Variants in KCNMA1 observed in about 807,000 individuals in gnomAD.
KCNMA1 encodes the protein potassium calcium-activated channel subfamily M alpha 1, also known as Calcium-activated potassium channel subunit alpha-1.
KCNMA1 carries 29 observed loss-of-function variants against 140.0 expected under a neutral mutation model. That is an observed-to-expected ratio of 0.21 (90% confidence interval 0.15 to 0.28). The LOEUF is 0.28. Among genes scored for constraint, KCNMA1 ranks in the 10% least tolerant of loss-of-function variants. KCNMA1 has a pLI of 1.00. For missense variants in KCNMA1, 880 were observed against 1,602.2 expected (o/e 0.55, Z 7.70); for synonymous variants, 612 against 611.9 (o/e 1.00, Z 0.00).
intron 1 of KCNMA1, among the ~76,000 whole-genome samples, chr10:77,467,838 T>A (rs534616482): frequency 6.6e-6 from 1 of 152,330 alleles, no homozygotes; most frequent in African/African-American, 2.4e-5. Flanking sequence ...TTCCTGGAGA[T>A]GTATTCATGG....
intron 15 of KCNMA1, chr10:77,039,267 T>C (rs942016102): frequency 1.5e-4 from 82 of 556,900 alleles, no homozygotes; most frequent in Middle Eastern, 4.9e-4. Context: ...AGGATAACTG[T>C]AGTTCATAAG....
At chr10:77,303,147 G>T (rs2076927297) in intron 2 of KCNMA1, among the ~76,000 whole-genome samples, 1 of 152,088 alleles carries the variant, frequency 6.6e-6, no homozygotes, top group Non-Finnish European at 1.5e-5. Flanking sequence ...CATTTACGAT[G>T]GCATTTAGAA....
intron 1 of KCNMA1, among the ~76,000 whole-genome samples, chr10:77,633,400 C>T (rs2093420638): frequency 6.6e-6 from 1 of 152,128 alleles, no homozygotes; most frequent in Non-Finnish European, 1.5e-5. Context: ...TCAGCTGGAG[C>T]TCCCCCGTGA....
intron 23 of KCNMA1, among the ~76,000 whole-genome samples, chr10:76,940,349 G>A (rs1342087950): frequency 1.3e-5 from 2 of 152,174 alleles, no homozygotes; most frequent in Non-Finnish European, 2.9e-5. Context: ...GAAAAAAGAG[G>A]CTTTGTTAGT....
chr10:77,084,833 A>AG (rs2096657392), intron 11 of KCNMA1, 114 bp from the exon 12 acceptor site: 1 of 761,016 alleles, frequency 1.3e-6, no homozygotes, highest in African/African-American at 1.7e-5. Flanking sequence ...AAAAAAAAAA[A>AG]CAATCCTGAG....
intron 1 of KCNMA1, among the ~76,000 whole-genome samples, chr10:77,629,225 C>A (rs954547461): frequency 3.9e-5 from 6 of 152,102 alleles, no homozygotes; most frequent in Non-Finnish European, 8.8e-5. Context: ...CCAAATAATG[C>A]CAAAAACAAA....
At chr10:77,480,107 C>A (rs978562975) in intron 1 of KCNMA1, among the ~76,000 whole-genome samples, 15 of 152,256 alleles carry the variant, frequency 9.9e-5, no homozygotes, top group Non-Finnish European at 5.9e-5. Context: ...GGACTCTTGA[C>A]CCCACCAAAT....
At chr10:77,208,496 A>G (rs759126892) in intron 3 of KCNMA1, among the ~76,000 whole-genome samples, 47 of 152,274 alleles carry the variant, frequency 3.1e-4, no homozygotes, top group Admixed American at 6.5e-4. Context: ...AAAATAAATA[A>G]TAAGTAAATA....
At chr10:77,502,487 T>C (rs1307453498) in intron 1 of KCNMA1, among the ~76,000 whole-genome samples, 1 of 151,942 alleles carries the variant, frequency 6.6e-6, no homozygotes, top group African/African-American at 2.4e-5. Flanking sequence ...CATCTTACCA[T>C]CCCCTTTTCC....
intron 14 of KCNMA1, chr10:77,064,140 A>G: frequency 2.0e-6 from 2 of 984,332 alleles, no homozygotes; most frequent in Non-Finnish European, 1.2e-6. Flanking sequence ...ATATGTGATT[A>G]CAGCTATAAA....
intron 2 of KCNMA1, among the ~76,000 whole-genome samples, chr10:77,299,275 C>T (rs764459502): frequency 2.0e-5 from 3 of 152,184 alleles, no homozygotes; most frequent in South Asian, 4.1e-4. Context: ...GCCAGTTAAA[C>T]GTTGCATGTA....
chr10:77,484,805 G>C (rs2098442605), intron 1 of KCNMA1, among the ~76,000 whole-genome samples: 1 of 152,232 alleles, frequency 6.6e-6, no homozygotes, highest in South Asian at 2.1e-4. Context: ...GGCTCTTACT[G>C]CTGATATGAA....
rs1177257916 is a variant in KCNMA1 at position 76,920,020 on chromosome 10, G to GTGTATA, written c.2903-4972_2903-4971insTATACA. 4.9e-3 allele frequency among the ~76,000 whole-genome samples: 170 copies of GTGTATA among 34,384 alleles called. 2 individuals carry two copies. The highest frequency in any genetic ancestry group is 0.01 in the East Asian group (8 of 770). 22.6% of individuals were successfully genotyped at this position (34,384 alleles called of 152,430 possible). ...TGTGTGTGTGTGTGTGTGTGTGTGT[G>GTGTATA]TATATATATATATATATATATATAT... On this transcript the variant is annotated intron_variant, in intron 23 of 27. Transcript: ENST00000286628.
chr10:77,538,892 A>G (rs954882187), intron 1 of KCNMA1, among the ~76,000 whole-genome samples: 10 of 152,196 alleles, frequency 6.6e-5, no homozygotes, highest in Admixed American at 6.5e-4. Context: ...TGGTTAGCAC[A>G]GGGCTCAGCA....
At chr10:77,523,763 A>G (rs1228132876) in intron 1 of KCNMA1, among the ~76,000 whole-genome samples, 2 of 152,200 alleles carry the variant, frequency 1.3e-5, no homozygotes, top group African/African-American at 4.8e-5. Flanking sequence ...CTAAAAAATC[A>G]AATTAGAGTA....
chr10:77,317,481 T>C (rs148641981), intron 2 of KCNMA1, among the ~76,000 whole-genome samples: 73 of 152,292 alleles, frequency 4.8e-4, no homozygotes, highest in South Asian at 2.3e-3. Context: ...CAGATGAGTA[T>C]TGGAGGATTA....
chr10:77,181,923 T>C (rs1284395830), intron 5 of KCNMA1, among the ~76,000 whole-genome samples: 3 of 151,950 alleles, frequency 2.0e-5, no homozygotes, highest in Admixed American at 1.3e-4. Context: ...TACATATATA[T>C]ATATATGCAT....
chr10:76,954,008 G>T, intron 20 of KCNMA1, 84 bp from the exon 21 acceptor site: 1 of 1,417,770 alleles, frequency 7.1e-7, no homozygotes, highest in South Asian at 1.2e-5. Flanking sequence ...CATCTCAGAG[G>T]ATGTGAAAGA....
intron 17 of KCNMA1, among the ~76,000 whole-genome samples, chr10:77,017,162 T>A (rs1439811444): frequency 6.6e-6 from 1 of 152,236 alleles, no homozygotes; most frequent in Non-Finnish European, 1.5e-5. Context: ...GACGGCCTGA[T>A]ATTTGTGACA....
Sources: gnomAD v4.1 joint callset for allele counts (sites outside exome capture counted in the v4.1 genomes callset) on GRCh38, gnomAD v4.1.1 for gene constraint, MANE v1.5 for transcripts, NCBI Gene and HGNC (gene_info 2026-07-23, HGNC 2026-07-21) for gene names.